Variants in CERS6 observed in about 807,000 individuals in gnomAD.
The protein encoded by CERS6 is ceramide synthase 6.
Under a neutral mutation model 56.8 loss-of-function variants are expected in CERS6, and 26 were observed. The ratio of observed to expected loss-of-function variants is 0.46; its 90% CI spans 0.34 to 0.63. The LOEUF (loss-of-function observed/expected upper bound fraction) is 0.63. Ranked by LOEUF, CERS6 falls within the 30% of genes least tolerant of loss-of-function variation. The pLI is 0.01. For missense variants in CERS6, 415 were observed against 467.5 expected, an observed-to-expected ratio of 0.89 and a Z score of 1.04; for synonymous variants, 164 against 173.3, an observed-to-expected ratio of 0.95 and a Z score of 0.42.
chr2:168,647,558 A>T (rs899250465), intron 4 of CERS6, among the ~76,000 whole-genome samples: 7 of 152,148 alleles, frequency 4.6e-5, no homozygotes, highest in African/African-American at 1.7e-4. Context: ...TGTGTTGAAT[A>T]GGAGTGGTGA....
intron 3 of CERS6, among the ~76,000 whole-genome samples, chr2:168,568,965 C>G (rs1363399748): frequency 5.3e-5 from 8 of 152,196 alleles, no homozygotes; most frequent in Non-Finnish European, 1.0e-4. Flanking sequence ...CATTAAATGG[C>G]TAAGAAATAC....
chr2:168,592,604 TG>T lies in CERS6; in HGVS notation c.407+31286del, dbSNP rs1277074229. Among the ~76,000 whole-genome samples, 8 of 152,100 alleles carry T rather than the reference TG, an allele frequency of 5.3e-5. No individual in the cohort carries two copies. The East Asian group carries it at 1.5e-3, about 29-fold the overall frequency. ...AGCAGGAATGAAAGGCTGGGGGCAG[TG>T]GGGAGGAGCAATTTCAGGAACAGTG... is the stretch of plus-strand genomic sequence containing the variant. On this transcript the variant is annotated intron_variant, in intron 3 of 9. Transcript: ENST00000305747.
intron 1 of CERS6, among the ~76,000 whole-genome samples, chr2:168,505,106 G>A (rs1057130350): frequency 2.0e-5 from 3 of 152,036 alleles, no homozygotes; most frequent in Non-Finnish European, 2.9e-5. Flanking sequence ...GTCAGATGTG[G>A]TGGCTCACGC....
chr2:168,733,580 G>A (rs1456791081), intron 8 of CERS6, among the ~76,000 whole-genome samples: 1 of 152,220 alleles, frequency 6.6e-6, no homozygotes, highest in South Asian at 2.1e-4. Flanking sequence ...AGTAAGGTAT[G>A]TCAGTTACTA....
intron 4 of CERS6, among the ~76,000 whole-genome samples, chr2:168,656,412 A>G (rs1685470209): frequency 6.6e-6 from 1 of 152,128 alleles, no homozygotes; most frequent in African/African-American, 2.4e-5. Context: ...GGTGAGTGTT[A>G]CAGCTCTTAA....
intron 3 of CERS6, among the ~76,000 whole-genome samples, chr2:168,579,280 C>T (rs1480705818): frequency 6.6e-6 from 1 of 152,008 alleles, no homozygotes; most frequent in Non-Finnish European, 1.5e-5. Context: ...GTTGGGGGGG[C>T]ACTGGAGAGC....
At chr2:168,691,187 A>C (rs1686492605) in intron 5 of CERS6, 103 bp downstream of exon 5, 1 of 1,014,280 alleles carries the variant, frequency 9.9e-7, no homozygotes, top group Non-Finnish European at 1.6e-6. Context: ...AACCACCTTC[A>C]TTTTTGGCCC....
intron 4 of CERS6, among the ~76,000 whole-genome samples, chr2:168,684,524 A>G (rs1686297300): frequency 6.6e-6 from 1 of 152,218 alleles, no homozygotes; most frequent in Non-Finnish European, 1.5e-5. Flanking sequence ...TCTCAAATTG[A>G]TTTGATTTAT....
chr2:168,595,096 T>C (rs552436743), intron 3 of CERS6, among the ~76,000 whole-genome samples: 60 of 152,296 alleles, frequency 3.9e-4, no homozygotes, highest in African/African-American at 1.4e-3. Flanking sequence ...TTGTCCTCTA[T>C]TGGAGTTTAG....
rs537363409 is a variant in CERS6 at position 168,574,466 on chromosome 2, A to G, written c.407+13144A>G. Among the ~76,000 whole-genome samples the G allele has an allele frequency of 2.6e-5, 4 of 152,170 alleles. No homozygotes were observed. The South Asian group carries it at 8.3e-4, about 32-fold the overall frequency. On this transcript the variant is annotated intron_variant, in intron 3 of 9. Coordinates refer to ENST00000305747, the MANE Select transcript of CERS6 (RefSeq NM_203463.3). The stretch of plus-strand genomic sequence containing the variant: ...TGTATTTGCTGCTAGATGGGAAAAC[A>G]GGATCTCTTCCCTTGATACATAAAT...
chr2:168,752,268 T>A (rs1684290783), intron 8 of CERS6, among the ~76,000 whole-genome samples: 1 of 142,374 alleles, frequency 7.0e-6, no homozygotes, highest in Non-Finnish European at 1.5e-5. Context: ...CCCCATCTTT[T>A]AAAAAAATAA....
chr2:168,600,269 A>G (rs1433066029), intron 3 of CERS6, among the ~76,000 whole-genome samples: 1 of 141,384 alleles, frequency 7.1e-6, no homozygotes, highest in African/African-American at 2.7e-5. Flanking sequence ...CAGTGGTGTG[A>G]TCTTGGCTCA....
chr2:168,682,791 C>T (rs1686252841), intron 4 of CERS6, among the ~76,000 whole-genome samples: 1 of 152,176 alleles, frequency 6.6e-6, no homozygotes, highest in Non-Finnish European at 1.5e-5. Flanking sequence ...CAGTTGCCTG[C>T]AGCAGTAACC....
chr2:168,669,051 C>T (rs973666999), intron 4 of CERS6, among the ~76,000 whole-genome samples: 10 of 152,198 alleles, frequency 6.6e-5, no homozygotes, highest in African/African-American at 2.4e-4. Context: ...TCTGGAACAC[C>T]TAACAGTCAA....
At chr2:168,729,949 G>A (rs1336843316) in intron 8 of CERS6, among the ~76,000 whole-genome samples, 1 of 152,180 alleles carries the variant, frequency 6.6e-6, no homozygotes, top group African/African-American at 2.4e-5. Flanking sequence ...TATTGATTAG[G>A]TTATGTGCCC....
chr2:168,662,127 C>CT (rs71397658), intron 4 of CERS6, among the ~76,000 whole-genome samples: 7,909 of 136,736 alleles, frequency 0.058, 523 homozygotes, highest in East Asian at 0.17. Context: ...AAGGCTGTCT[C>CT]TTTTTTTTTT....
At chr2:168,744,028 T>C (rs1320597280) in intron 8 of CERS6, among the ~76,000 whole-genome samples, 4 of 139,842 alleles carry the variant, frequency 2.9e-5, no homozygotes, top group African/African-American at 5.3e-5. Context: ...GATGGAGTCT[T>C]GCTCTGTCAC....
chr2:168,501,639 C>CTT (rs1409985929), intron 1 of CERS6, among the ~76,000 whole-genome samples: 1 of 152,198 alleles, frequency 6.6e-6, no homozygotes, highest in Non-Finnish European at 1.5e-5. Flanking sequence ...AGTGAAATGG[C>CTT]TTTAGGCCAG....
At chr2:168,537,359 C>T (rs4668070) in intron 1 of CERS6, among the ~76,000 whole-genome samples, 108,915 of 152,100 alleles carry the variant, frequency 0.72, 39,494 homozygotes, top group South Asian at 0.89. Context: ...TAGATAAATA[C>T]CTCAAAGTGA....
Sources: gnomAD v4.1 joint callset for allele counts (sites outside exome capture counted in the v4.1 genomes callset) on GRCh38, gnomAD v4.1.1 for gene constraint, MANE v1.5 for transcripts, NCBI Gene and HGNC (gene_info 2026-07-23, HGNC 2026-07-21) for gene names.